NCKAP5L: variants seen among roughly 807,000 people sequenced by gnomAD.
NCKAP5L encodes nck-associated protein 5-like.
A neutral mutation model predicts 103.2 loss-of-function variants in NCKAP5L; 54 were observed. That is an observed-to-expected ratio of 0.52 (90% CI 0.42 to 0.66). The LOEUF (loss-of-function observed/expected upper bound fraction) is 0.66. Ranked by LOEUF, NCKAP5L falls within the 30% of genes least tolerant of loss-of-function variation. The pLI is 0.00. For missense variants in NCKAP5L, 1,733 were observed against 1,750.6 expected (o/e 0.99, Z 0.18); for synonymous variants, 762 against 748.6 (o/e 1.02, Z -0.29).
rs773495486 is a variant in NCKAP5L at position 49,803,011 on chromosome 12, C to T, written c.193-15G>A. The T allele has an allele frequency of 9.3e-6, 15 of 1,614,116 alleles. No homozygotes were observed. The Admixed American group carries it at 1.0e-4, about 11-fold the overall frequency. On this transcript the variant is annotated splice_polypyrimidine_tract_variant and intron_variant, in intron 4 of 12. Coordinates refer to ENST00000335999, the MANE Select transcript of NCKAP5L (RefSeq NM_001037806.4). ...TGGTTGGCAACCTGGGGACAGAAAG[C>T]CCCGAGGCAGAGCCATCAGCTGACC...
Position 49,811,214 on chromosome 12 carries a change from C to G in NCKAP5L, c.-98-5173G>C, listed in dbSNP as rs143592877. 6.7e-4 allele frequency among the ~76,000 whole-genome samples: 102 copies of G among 152,258 alleles called. 1 individual carries two copies. The Middle Eastern group carries it at 0.014, about 21-fold the overall frequency. ...GTCCCCAGGCTTGTGCTTACGCGCTCTCTCACTCTCTTCCCCACCACAGAA... is the reference window on the plus strand; with the variant it reads ...GTCCCCAGGCTTGTGCTTACGCGCTGTCTCACTCTCTTCCCCACCACAGAA... On this transcript the variant is annotated intron_variant, in intron 1 of 12. Coordinates refer to ENST00000335999, the MANE Select transcript of NCKAP5L (RefSeq NM_001037806.4).
rs747976384 is a variant in NCKAP5L, at chr12:49,796,676, G to A, written c.1184C>T (p.Ala395Val). The A allele has an allele frequency of 6.3e-7, 1 of 1,585,496 alleles. No homozygotes were observed. The highest frequency in any genetic ancestry group is 8.6e-7 in the Non-Finnish European group (1 of 1,167,018). ...GAGGGGCCCCTGGCCCTCTGAGGTAGCACCGAAGCCTGGCCTGTGGGCCTC... is the reference window on the plus strand; with the variant it reads ...GAGGGGCCCCTGGCCCTCTGAGGTAACACCGAAGCCTGGCCTGTGGGCCTC... The part of the protein sequence containing the change: ...TPEAHRPGFG[A>V]TSEGQGPLPF... The change falls in exon 8 of 13, where the codon GCT becomes GTT. Residue 395 changes from alanine (A) to valine (V), a missense_variant. Physicochemically the swap from Ala to Val is moderately conservative, Grantham distance 64. Coordinates refer to ENST00000335999, the MANE Select transcript of NCKAP5L (RefSeq NM_001037806.4).
In NCKAP5L at chr12:49,797,058, C is replaced by T. The variant is rs1194658861; in HGVS notation, c.802G>A (p.Glu268Lys). ...GGACCCCAGGGCCGCCCAGTGTCCT[C>T]TTCCCCTCCCAGACCCCCCAAGAGG... is the stretch of plus-strand genomic sequence containing the variant. ...ERLLGGLGGE[E>K]DTGRPWGPSR... is the part of the protein sequence containing the mutation. Residue 268 changes from glutamate to lysine, a missense_variant, in exon 8 of 13, where the codon GAG becomes AAG. Physicochemically the swap from Glu to Lys is moderately conservative, Grantham distance 56. Transcript: ENST00000335999. This position sits in a 1 kb window ranked among gnomAD's most constrained non-coding sequence, Gnocchi z 4.5. 2 of 1,574,502 alleles carry T rather than the reference C, an allele frequency of 1.3e-6. No individual in the cohort carries two copies. The highest frequency in any genetic ancestry group is 1.7e-6 in the Non-Finnish European group (2 of 1,160,770).
Position 49,796,902 on chromosome 12 carries a change from C to A in NCKAP5L, c.958G>T (p.Ala320Ser). The change falls in exon 8 of 13, where the codon GCC (alanine) becomes TCC (serine). Residue 320 changes from alanine (A) to serine (S), a missense_variant. Transcript: ENST00000335999. ...EAPSPDTLLG[A>S]LARRQLNLGQ... ...AGGTTCAACTGTCTGCGGGCCAGGG[C>A]ACCGAGCAGGGTGTCGGGGCTGGGT... The A allele has an allele frequency of 6.2e-7, 1 of 1,610,704 alleles. No individual in the cohort carries two copies. The highest frequency in any genetic ancestry group is 8.5e-7 in the Non-Finnish European group (1 of 1,178,892).
chr12:49,797,474 T>A lies in NCKAP5L; in HGVS notation c.466-80A>T. The A allele has an allele frequency of 9.2e-7, 1 of 1,090,678 alleles. No homozygotes were observed. The highest frequency in any genetic ancestry group is 1.3e-6 in the Non-Finnish European group (1 of 767,360). 67.6% of individuals were successfully genotyped at this position (1,090,678 alleles called of 1,614,324 possible). On this transcript the variant is annotated intron_variant, in intron 7 of 12. Coordinates refer to ENST00000335999, the MANE Select transcript of NCKAP5L (RefSeq NM_001037806.4). This position sits in a 1 kb window ranked among gnomAD's most constrained non-coding sequence, Gnocchi z 4.5. ...TCCAGGCCCAGGCCCTGGGCTGGCT[T>A]AACAGGGAATGCCAGGAACAGAGCT...
chr12:49,798,072 C>T (rs961563407), intron 7 of NCKAP5L, among the ~76,000 whole-genome samples: 4 of 152,170 alleles, frequency 2.6e-5, no homozygotes, highest in South Asian at 2.1e-4. Context: ...ATGATTATTA[C>T]GTTAACCTCA....
At chr12:49,802,067 A>AGAAG in intron 5 of NCKAP5L, 100 bp from the exon 6 acceptor site, 2 of 1,464,008 alleles carry the variant, frequency 1.4e-6, no homozygotes, top group African/African-American at 1.4e-5. Flanking sequence ...TGGAGGCCCC[A>AGAAG]GGACCCTTCT....
intron 5 of NCKAP5L, chr12:49,802,208 T>A (rs781652067): frequency 3.5e-5 from 15 of 434,310 alleles, no homozygotes; most frequent in Non-Finnish European, 6.1e-5. Context: ...AATCCTATTC[T>A]CTTTGTTATC....
rs1473399765 is a variant in NCKAP5L at position 49,793,426 on chromosome 12, C to T, written c.3266G>A (p.Ser1089Asn). ...CATCTCTTCCCGCCTCCCTGGCTCG[C>T]TGCTCGGCTGTGTGGGATACAGGAG... Reference protein sequence around the residue: ...GCGKPPGKPSSEPGRREEMPS... With the variant: ...GCGKPPGKPSNEPGRREEMPS... Residue 1089 changes from serine to asparagine, a missense_variant, in exon 10 of 13, where the codon AGC becomes AAC. Transcript: ENST00000335999. 1 of 1,609,548 alleles carries T rather than the reference C, an allele frequency of 6.2e-7. No individual in the cohort carries two copies. The highest frequency in any genetic ancestry group is 1.1e-5 in the South Asian group (1 of 91,086).
At chr12:49,794,223 T>G (rs569040818) in intron 8 of NCKAP5L, among the ~76,000 whole-genome samples, 137 of 152,224 alleles carry the variant, frequency 9.0e-4, no homozygotes, top group African/African-American at 3.3e-3. Context: ...AACGACACAC[T>G]CCACCTGCTC....
At chr12:49,801,135 T>A (rs1411322488) in intron 6 of NCKAP5L, among the ~76,000 whole-genome samples, 1 of 152,120 alleles carries the variant, frequency 6.6e-6, no homozygotes, top group Admixed American at 6.5e-5. Context: ...CCAGTTTGCC[T>A]CAGACAGACA....
intron 1 of NCKAP5L, among the ~76,000 whole-genome samples, chr12:49,827,891 G>C (rs1325502584): frequency 6.6e-6 from 1 of 152,182 alleles, no homozygotes; most frequent in African/African-American, 2.4e-5. Context: ...TTTGGGGAGA[G>C]AGCCCCTCCC....
intron 8 of NCKAP5L, 57 bp from the exon 9 acceptor site, chr12:49,793,953 G>A: frequency 7.2e-7 from 1 of 1,397,122 alleles, no homozygotes; most frequent in Non-Finnish European, 9.4e-7. Context: ...AGACATTCCA[G>A]CCTTGCACCC....
intron 1 of NCKAP5L, among the ~76,000 whole-genome samples, chr12:49,812,985 T>C (rs929860651): frequency 3.3e-5 from 5 of 152,198 alleles, no homozygotes; most frequent in African/African-American, 1.2e-4. Context: ...TCTAATACAG[T>C]GTAAATGCTA....
chr12:49,793,896 C>A lies in NCKAP5L; in HGVS notation c.3096G>T (p.Arg1032Ser). The A allele has an allele frequency of 6.5e-7, 1 of 1,540,340 alleles. No individual in the cohort carries two copies. Among genetic ancestry groups the A allele is most frequent in the Admixed American group, 2.1e-5 (1 of 48,750 alleles). ...ADTFMQQLLN[R>S]VDGKELPSKS... is the part of the protein sequence containing the mutation. ...TGGATGGCAGCTCCTTGCCATCCAC[C>A]CTATGGGCAACAGTGCAGATATAGG... Residue 1032 changes from arginine (R) to serine (S), a missense_variant and splice_region_variant, in exon 9 of 13, where the codon AGG (arginine) becomes AGT (serine). Physicochemically the swap from Arg to Ser is moderately radical, Grantham distance 110. Coordinates refer to ENST00000335999, the MANE Select transcript of NCKAP5L (RefSeq NM_001037806.4).
intron 1 of NCKAP5L, among the ~76,000 whole-genome samples, chr12:49,815,945 C>T (rs565816547): frequency 1.3e-4 from 20 of 152,304 alleles, no homozygotes; most frequent in Admixed American, 2.6e-4. Context: ...AATCTTCCCA[C>T]GACCTCCTAC....
intron 1 of NCKAP5L, among the ~76,000 whole-genome samples, chr12:49,808,454 G>A (rs755511039): frequency 1.3e-5 from 2 of 152,230 alleles, no homozygotes; most frequent in African/African-American, 2.4e-5. Context: ...AGGAAAGCTT[G>A]GTGGTGGGGA....
In NCKAP5L at chr12:49,795,455, G is replaced by T. The variant is rs759061091; in HGVS notation, c.2405C>A (p.Pro802Gln). Residue 802 changes from proline to glutamine, a missense_variant, in exon 8 of 13, where the codon CCA (proline) becomes CAA (glutamine). Coordinates refer to ENST00000335999, the MANE Select transcript of NCKAP5L (RefSeq NM_001037806.4). The stretch of plus-strand genomic sequence containing the variant: ...GCTCTTATTGGGCTTGCCCAGGCTT[G>T]GGGCTGAGGTTGGCACTTTGGCAGG... ...RTPAKVPTSA[P>Q]SLGKPNKSPH... is the part of the protein sequence containing the mutation. The T allele has an allele frequency of 2.6e-6, 4 of 1,562,744 alleles. No homozygotes were observed. Among genetic ancestry groups the T allele is most frequent in the Non-Finnish European group, 3.4e-6 (4 of 1,160,360 alleles).
chr12:49,828,278 C>G (rs1023697798), intron 1 of NCKAP5L, 44 bp downstream of exon 1: 1 of 152,854 alleles, frequency 6.5e-6, no homozygotes, highest in East Asian at 1.9e-4. Context: ...GATCGCCCCC[C>G]CGCACTCGCC....
Sources: allele counts gnomAD v4.1 joint callset (sites outside exome capture counted in the v4.1 genomes callset), GRCh38; gene constraint gnomAD v4.1.1; non-coding constraint Gnocchi (gnomAD v3.1); transcripts MANE v1.5; gene names NCBI Gene and HGNC (gene_info 2026-07-23, HGNC 2026-07-21).